Variants in DSCAM observed in about 807,000 individuals in gnomAD.
The protein encoded by DSCAM is DS cell adhesion molecule.
A neutral mutation model predicts 217.7 loss-of-function variants in DSCAM; 47 were observed. The ratio of observed to expected loss-of-function variants is 0.22; its 90% confidence interval spans 0.17 to 0.28. The LOEUF (loss-of-function observed/expected upper bound fraction) is 0.28. Among genes scored for constraint, DSCAM ranks in the 10% least tolerant of loss-of-function variants. DSCAM has a pLI of 1.00. For synonymous variants in DSCAM, 1,056 were observed against 1,015.3 expected, an observed-to-expected ratio of 1.04 and a Z score of -0.76; for missense variants, 2,080 against 2,618.3, an observed-to-expected ratio of 0.79 and a Z score of 4.49.
chr21:40,690,010 C>G (rs939821212), intron 3 of DSCAM, among the ~76,000 whole-genome samples: 2 of 152,154 alleles, frequency 1.3e-5, no homozygotes, highest in Non-Finnish European at 2.9e-5. Context: ...TTAGCGGCCT[C>G]CACCCCGGCA....
At chr21:40,500,338 G>A (rs2076161369) in intron 3 of DSCAM, among the ~76,000 whole-genome samples, 1 of 151,948 alleles carries the variant, frequency 6.6e-6, no homozygotes, top group East Asian at 1.9e-4. Context: ...GTAATAAACT[G>A]CTTATTTCTG....
At chr21:40,271,296 G>C (rs1249002914) in intron 11 of DSCAM, among the ~76,000 whole-genome samples, 1 of 152,214 alleles carries the variant, frequency 6.6e-6, no homozygotes, top group Non-Finnish European at 1.5e-5. Flanking sequence ...TGACTCTCCA[G>C]GGAAGCGCCT....
In DSCAM at chr21:40,708,393, T is replaced by C. The variant is rs1363880339; in HGVS notation, c.361+61A>G. On this transcript the variant is annotated intron_variant, in intron 2 of 32. Transcript: ENST00000400454. ...TGTGATGGCATTTTGCTATGTGTCA[T>C]TGTCATTATCCTCCCATCCCAAGCA... The C allele has an allele frequency of 2.2e-6, 3 of 1,334,998 alleles. No individual in the cohort carries two copies. The Admixed American group carries it at 8.5e-5, about 38-fold the overall frequency. 82.7% of individuals were successfully genotyped at this position (1,334,998 alleles called of 1,614,324 possible).
chr21:40,701,722 C>G lies in DSCAM; in HGVS notation c.361+6732G>C, dbSNP rs896857487. On this transcript the variant is annotated intron_variant, in intron 2 of 32. Coordinates refer to ENST00000400454, the MANE Select transcript of DSCAM (RefSeq NM_001389.5). Reference sequence around the variant, plus strand: ...ATTTAAAAGAGTGCTATTCAGTATTCAGGTACTTGGTTATTTCTCAGAGAT... The same window carrying G: ...ATTTAAAAGAGTGCTATTCAGTATTGAGGTACTTGGTTATTTCTCAGAGAT... Among the ~76,000 whole-genome samples, 6 of 151,490 alleles carry G rather than the reference C, an allele frequency of 4.0e-5. No individual in the cohort carries two copies. In the South Asian group the frequency reaches 1.3e-3, roughly 32 times the overall value.
At chr21:40,648,250 T>TAC (rs10639388) in intron 3 of DSCAM, among the ~76,000 whole-genome samples, 35,254 of 145,584 alleles carry the variant, frequency 0.24, 4,260 homozygotes, top group African/African-American at 0.28. Flanking sequence ...CATATCCCTG[T>TAC]ACACACACAC....
intron 3 of DSCAM, among the ~76,000 whole-genome samples, chr21:40,659,536 C>T (rs114734978): frequency 0.011 from 1,635 of 152,182 alleles, 25 homozygotes; most frequent in African/African-American, 0.036. Context: ...TATCAGTTAT[C>T]TGTCCATCTA....
intron 1 of DSCAM, among the ~76,000 whole-genome samples, chr21:40,726,663 G>GC (rs2090958381): frequency 6.6e-6 from 1 of 152,126 alleles, no homozygotes. Flanking sequence ...GCGGAACAGT[G>GC]CCTTCCAAGT....
In DSCAM at chr21:40,256,777, G is replaced by A. The variant is rs58683691; in HGVS notation, c.2356+19320C>T. On this transcript the variant is annotated intron_variant, in intron 11 of 32. Transcript: ENST00000400454. ...TAGGCTGGCTTTTGACCAAGCATCT[G>A]AGTACCATGCCTAGCAAAAGTGACA... Among the ~76,000 whole-genome samples, 546 of 152,298 alleles carry A rather than the reference G, an allele frequency of 3.6e-3. 6 individuals carry two copies. The highest frequency in any genetic ancestry group is 0.012 in the African/African-American group (518 of 41,556).
intron 1 of DSCAM, among the ~76,000 whole-genome samples, chr21:40,770,453 G>A (rs545913021): frequency 6.6e-6 from 1 of 152,308 alleles, no homozygotes; most frequent in East Asian, 1.9e-4. Flanking sequence ...AGAATACAGT[G>A]ATGATCTTGT....
intron 1 of DSCAM, among the ~76,000 whole-genome samples, chr21:40,816,030 A>T (rs918634038): frequency 6.6e-6 from 1 of 152,264 alleles, no homozygotes; most frequent in Non-Finnish European, 1.5e-5. Flanking sequence ...AGGCAACCAC[A>T]GGCAGAATCC....
At chr21:40,758,154 G>A (rs1420243044) in intron 1 of DSCAM, among the ~76,000 whole-genome samples, 2 of 152,062 alleles carry the variant, frequency 1.3e-5, no homozygotes, top group Non-Finnish European at 2.9e-5. Flanking sequence ...AGAGAGAGGC[G>A]AAGCAGACTC....
At chr21:40,536,410 T>G (rs2076496894) in intron 3 of DSCAM, among the ~76,000 whole-genome samples, 1 of 150,746 alleles carries the variant, frequency 6.6e-6, no homozygotes, top group Non-Finnish European at 1.5e-5. Context: ...CTTTTTTTTT[T>G]TTTTTTTTTG....
intron 8 of DSCAM, among the ~76,000 whole-genome samples, chr21:40,337,725 C>T (rs1340792472): frequency 6.6e-6 from 1 of 152,148 alleles, no homozygotes; most frequent in African/African-American, 2.4e-5. Context: ...AAATCCCTTC[C>T]AGTGAAGTTC....
At chr21:40,394,863 G>A (rs2075164545) in intron 3 of DSCAM, among the ~76,000 whole-genome samples, 1 of 152,182 alleles carries the variant, frequency 6.6e-6, no homozygotes, top group South Asian at 2.1e-4. Flanking sequence ...AGAGAGATTA[G>A]GATAGAAATA....
chr21:40,170,470 C>T (rs1232602343), intron 15 of DSCAM, among the ~76,000 whole-genome samples: 4 of 152,166 alleles, frequency 2.6e-5, no homozygotes, highest in African/African-American at 9.7e-5. Context: ...CCTCTCAGAT[C>T]TATTAGTTCC....
intron 3 of DSCAM, among the ~76,000 whole-genome samples, chr21:40,452,034 A>G (rs2075724011): frequency 1.3e-5 from 2 of 152,144 alleles, no homozygotes; most frequent in African/African-American, 4.8e-5. Context: ...TGAAGTACCG[A>G]TAGGCCCCTC....
At chr21:40,666,433 G>C (rs1038601792) in intron 3 of DSCAM, among the ~76,000 whole-genome samples, 1 of 152,118 alleles carries the variant, frequency 6.6e-6, no homozygotes, top group African/African-American at 2.4e-5. Flanking sequence ...GCAGAGCTTG[G>C]GTTCCAGGTG....
intron 14 of DSCAM, among the ~76,000 whole-genome samples, chr21:40,179,823 G>A: frequency 6.6e-6 from 1 of 152,238 alleles, no homozygotes; most frequent in Non-Finnish European, 1.5e-5. Flanking sequence ...CAGGCTTCAA[G>A]CAAGGATGAG....
chr21:40,422,473 A>AT (rs987449579), intron 3 of DSCAM, among the ~76,000 whole-genome samples: 25 of 124,478 alleles, frequency 2.0e-4, no homozygotes, highest in East Asian at 4.7e-4. Flanking sequence ...CTACTAAAAA[A>AT]AAATATATAT....
Sources: allele counts gnomAD v4.1 joint callset (sites outside exome capture counted in the v4.1 genomes callset), GRCh38; gene constraint gnomAD v4.1.1; transcripts MANE v1.5; gene names NCBI Gene and HGNC (gene_info 2026-07-23, HGNC 2026-07-21).